Variants in DOCK10 observed in about 807,000 individuals in gnomAD.
The protein encoded by DOCK10 is dedicator of cytokinesis 10.
In DOCK10, 145 loss-of-function variants were observed where a neutral mutation model predicts 280.1. The observed-to-expected ratio is 0.52, with a 90% CI of 0.45 to 0.59. The LOEUF (loss-of-function observed/expected upper bound fraction) is 0.59. Ranked by LOEUF, DOCK10 falls within the 20% of genes least tolerant of loss-of-function variation. The pLI, the probability that DOCK10 is intolerant of heterozygous loss-of-function variation, is 0.00. For synonymous variants in DOCK10, 915 were observed against 942.2 expected (o/e 0.97, Z 0.53); for missense variants, 2,368 against 2,651.7 (o/e 0.89, Z 2.35).
chr2:224,994,796 T>C lies in DOCK10; in HGVS notation c.123+47456A>G, dbSNP rs184536335. 2.0e-3 allele frequency among the ~76,000 whole-genome samples: 311 copies of C among 152,292 alleles called. 1 individual carries two copies. Among genetic ancestry groups the C allele is most frequent in the African/African-American group, 7.2e-3 (301 of 41,564 alleles). On this transcript the variant is annotated intron_variant, in intron 1 of 55. Coordinates refer to ENST00000258390, the MANE Select transcript of DOCK10 (RefSeq NM_014689.3). ...TACACACACACACTTACACACACAA[T>C]GCATAAAATAAATCTGTGTTTGTTA...
rs770422406 is a variant in DOCK10 at position 224,845,510 on chromosome 2, T to C, written c.2359+9A>G. 6.2e-7 allele frequency: 1 copy of C among 1,608,358 alleles called. No homozygotes were observed. Among genetic ancestry groups the C allele is most frequent in the East Asian group, 2.2e-5 (1 of 44,848 alleles). ...TGTGACTCTGCCTCAGATTTCTTCC[T>C]GGCAGTACCTGACGTTTCCAGAGCC... On this transcript the variant is annotated intron_variant, in intron 20 of 55. Coordinates refer to ENST00000258390, the MANE Select transcript of DOCK10 (RefSeq NM_014689.3).
intron 11 of DOCK10, among the ~76,000 whole-genome samples, chr2:224,867,365 C>T (rs1411813377): frequency 1.3e-5 from 2 of 152,136 alleles, no homozygotes; most frequent in Non-Finnish European, 2.9e-5. Flanking sequence ...TAGTTGCCTC[C>T]TCTGGGCTGC....
intron 1 of DOCK10, among the ~76,000 whole-genome samples, chr2:225,001,924 G>T (rs944721999): frequency 1.3e-5 from 2 of 152,102 alleles, no homozygotes; most frequent in African/African-American, 4.8e-5. Flanking sequence ...CTTCCATAAG[G>T]CCCCACCTCC....
At chr2:224,781,966 A>G (rs1691374103) in intron 50 of DOCK10, among the ~76,000 whole-genome samples, 1 of 152,164 alleles carries the variant, frequency 6.6e-6, no homozygotes, top group Non-Finnish European at 1.5e-5. Context: ...CACAAAGAGA[A>G]GAATGTATTT....
intron 1 of DOCK10, among the ~76,000 whole-genome samples, chr2:224,994,277 G>A (rs1036253105): frequency 6.6e-6 from 1 of 152,170 alleles, no homozygotes; most frequent in Non-Finnish European, 1.5e-5. Flanking sequence ...TTGAAAGTCA[G>A]TTCTGTCTCT....
chr2:224,867,307 T>C (rs566913107), intron 11 of DOCK10, among the ~76,000 whole-genome samples: 3 of 152,342 alleles, frequency 2.0e-5, no homozygotes, highest in African/African-American at 7.2e-5. Context: ...AACCAGTTAC[T>C]TATTGGTTCA....
intron 19 of DOCK10, among the ~76,000 whole-genome samples, chr2:224,845,913 G>A (rs140254422): frequency 1.3e-5 from 2 of 152,144 alleles, no homozygotes; most frequent in East Asian, 3.9e-4. Context: ...TAGTAGAGAC[G>A]GGGTTTCACC....
chr2:224,885,842 T>C, intron 6 of DOCK10, 37 bp from the exon 7 acceptor site: 1 of 1,601,134 alleles, frequency 6.2e-7, no homozygotes, highest in South Asian at 1.1e-5. Flanking sequence ...ATATTCAAAT[T>C]GTAATGTGCT....
chr2:224,876,326 A>G (rs1698626511), intron 7 of DOCK10, 105 bp from the exon 8 acceptor site: 1 of 994,742 alleles, frequency 1.0e-6, no homozygotes, highest in African/African-American at 1.7e-5. Context: ...TTCCATACAG[A>G]TAGATAACAT....
At chr2:224,899,646 A>C (rs1004787725) in intron 3 of DOCK10, among the ~76,000 whole-genome samples, 2 of 152,282 alleles carry the variant, frequency 1.3e-5, no homozygotes, top group Admixed American at 1.3e-4. Flanking sequence ...TGTAAAGGAG[A>C]GAACAAAGTG....
At chr2:224,869,962 A>T (rs190459931) in intron 11 of DOCK10, among the ~76,000 whole-genome samples, 20 of 152,338 alleles carry the variant, frequency 1.3e-4, no homozygotes, top group African/African-American at 4.3e-4. Flanking sequence ...TAACAAGGTG[A>T]CTAAGTGACA....
At chr2:224,965,823 C>T (rs569039055) in intron 1 of DOCK10, among the ~76,000 whole-genome samples, 1 of 152,218 alleles carries the variant, frequency 6.6e-6, no homozygotes, top group South Asian at 2.1e-4. Flanking sequence ...TTAAATTTTA[C>T]CCATTTATGT....
intron 6 of DOCK10, 97 bp downstream of exon 6, chr2:224,885,966 T>C: frequency 4.5e-6 from 7 of 1,541,350 alleles, no homozygotes; most frequent in Non-Finnish European, 5.3e-6. Flanking sequence ...ATATGAAACA[T>C]AAACTCAATG....
intron 28 of DOCK10, among the ~76,000 whole-genome samples, chr2:224,820,078 G>A (rs1209270610): frequency 6.6e-6 from 1 of 152,156 alleles, no homozygotes; most frequent in East Asian, 1.9e-4. Context: ...TGGTAGAGAC[G>A]AGTCAGGAAA....
At chr2:224,773,104 A>G (rs1690565053) in intron 53 of DOCK10, 53 bp downstream of exon 53, 1 of 1,482,588 alleles carries the variant, frequency 6.7e-7, no homozygotes, top group Non-Finnish European at 9.1e-7. Context: ...AGGGCATTTT[A>G]CACCTGGTTT....
chr2:224,807,740 G>A lies in DOCK10; in HGVS notation c.3630C>T (p.Gly1210=), dbSNP rs1237225377. ...QIASLYMPLY[G]MLLDNMPRIY... ...TCCTTGGCATATTGTCCAGGAGCAT[G>A]CCGTACAGGGGCATGTATAAACTTG... Residue 1210 remains glycine (G), a synonymous_variant, in exon 33 of 56, where the codon GGC becomes GGT. Transcript: ENST00000258390. 4 of 1,573,172 alleles carry A rather than the reference G, an allele frequency of 2.5e-6. No homozygotes were observed. In the Admixed American group the frequency reaches 7.4e-5, roughly 29 times the overall value.
At chr2:224,827,659 TC>T (rs1358785047) in intron 27 of DOCK10, among the ~76,000 whole-genome samples, 1 of 152,218 alleles carries the variant, frequency 6.6e-6, no homozygotes, top group Non-Finnish European at 1.5e-5. Flanking sequence ...CAGTGAGGTT[TC>T]CTGACCCCAG....
intron 4 of DOCK10, among the ~76,000 whole-genome samples, chr2:224,895,836 T>TGC (rs1699952286): frequency 8.3e-6 from 1 of 119,876 alleles, no homozygotes; most frequent in Non-Finnish European, 1.7e-5. Context: ...TGTGTGCGTG[T>TGC]GTGTGTATAT....
intron 15 of DOCK10, 21 bp from the exon 16 acceptor site, chr2:224,855,063 G>GCACACACACACA: frequency 1.5e-6 from 1 of 663,166 alleles, no homozygotes; most frequent in Middle Eastern, 3.4e-4. Flanking sequence ...GCATGAGCAA[G>GCACACACACACA]GACACACACA....
Sources: allele counts gnomAD v4.1 joint callset (sites outside exome capture counted in the v4.1 genomes callset), GRCh38; gene constraint gnomAD v4.1.1; transcripts MANE v1.5; gene names NCBI Gene and HGNC (gene_info 2026-07-23, HGNC 2026-07-21).